Variants in SERPINA6 observed in about 807,000 individuals in gnomAD.
SERPINA6 encodes the protein serpin family A member 6.
A neutral mutation model predicts 26.4 loss-of-function variants in SERPINA6; 19 were observed. The observed-to-expected ratio is 0.72, with a 90% confidence interval of 0.50 to 1.06. The LOEUF (loss-of-function observed/expected upper bound fraction) is 1.06, where lower values mean the gene tolerates loss of function less well. Ranked by LOEUF, SERPINA6 falls within the 50% of genes least tolerant of loss-of-function variation. The pLI is 0.00. For missense variants in SERPINA6, 473 were observed against 504.0 expected (o/e 0.94, Z 0.59); for synonymous variants, 196 against 199.4 (o/e 0.98, Z 0.14).
At chr14:94,311,178 C>A (rs1357200551) in intron 2 of SERPINA6, among the ~76,000 whole-genome samples, 5 of 152,170 alleles carry the variant, frequency 3.3e-5, no homozygotes, top group East Asian at 1.9e-4. Context: ...ACCTCACTAA[C>A]CTTGATGTCT....
At chr14:94,322,098 A>G (rs1460114445) in intron 1 of SERPINA6, among the ~76,000 whole-genome samples, 1 of 152,248 alleles carries the variant, frequency 6.6e-6, no homozygotes, top group Non-Finnish European at 1.5e-5. Context: ...CCAGGGAGAC[A>G]GAGTAACTCC....
chr14:94,315,381 C>T (rs920353590), intron 1 of SERPINA6, among the ~76,000 whole-genome samples: 7 of 152,164 alleles, frequency 4.6e-5, no homozygotes, highest in Non-Finnish European at 1.0e-4. Flanking sequence ...GTATTATGAG[C>T]ATACATATTA....
chr14:94,317,369 GT>G (rs1895626664), intron 1 of SERPINA6, among the ~76,000 whole-genome samples: 1 of 152,210 alleles, frequency 6.6e-6, no homozygotes. Context: ...AGACAGTCAA[GT>G]GTAAAGAGGT....
intron 2 of SERPINA6, among the ~76,000 whole-genome samples, chr14:94,310,402 G>A (rs1332047699): frequency 2.0e-5 from 3 of 146,598 alleles, no homozygotes; most frequent in Non-Finnish European, 4.6e-5. Flanking sequence ...GGTGGGAAGC[G>A]AGGGGGCCAT....
chr14:94,305,978 C>A, intron 4 of SERPINA6, 93 bp downstream of exon 4: 3 of 1,450,620 alleles, frequency 2.1e-6, no homozygotes, highest in Non-Finnish European at 2.9e-6. Flanking sequence ...CCTAGAGGCT[C>A]ATTCATGAAC....
At chr14:94,311,453 A>G (rs952978130) in intron 2 of SERPINA6, among the ~76,000 whole-genome samples, 17 of 152,132 alleles carry the variant, frequency 1.1e-4, no homozygotes, top group Non-Finnish European at 2.4e-4. Context: ...ATATAGTTTG[A>G]CACAAAACAA....
intron 4 of SERPINA6, 31 bp downstream of exon 4, chr14:94,306,040 G>A: frequency 6.2e-7 from 1 of 1,613,256 alleles, no homozygotes; most frequent in Non-Finnish European, 8.5e-7. Context: ...TTTTGGAGGG[G>A]GAAGAAAAGG....
chr14:94,317,678 A>G (rs1035090634), intron 1 of SERPINA6, among the ~76,000 whole-genome samples: 1 of 152,246 alleles, frequency 6.6e-6, no homozygotes, highest in African/African-American at 2.4e-5. Flanking sequence ...AGAAAGTCCT[A>G]CAACAAAATT....
rs1895401586 is a variant in SERPINA6 at position 94,304,295 on chromosome 14, A to G, written c.*123T>C. The G allele has an allele frequency of 1.0e-6, 1 of 962,978 alleles. No individual in the cohort carries two copies. Among genetic ancestry groups the G allele is most frequent in the African/African-American group, 1.6e-5 (1 of 62,310 alleles). 59.7% of individuals were successfully genotyped at this position (962,978 alleles called of 1,614,324 possible). A position where few individuals can be genotyped will look rare whatever the true frequency, so the allele number is the denominator to read the frequency against. ...TAAAAGATGCCTAAAGTTAGACACAACTCTGGTTGGAGGGAGAAGAACTTG... is the reference window on the plus strand; with the variant it reads ...TAAAAGATGCCTAAAGTTAGACACAGCTCTGGTTGGAGGGAGAAGAACTTG... On this transcript the variant is annotated 3_prime_UTR_variant, in exon 5 of 5. Transcript: ENST00000341584.
At position 94,309,604 on chromosome 14, in the gene SERPINA6, C is replaced by T. The variant is rs201816210; in HGVS notation, c.884+132G>A. The T allele has an allele frequency of 8.4e-5, 84 of 999,506 alleles. No individual in the cohort carries two copies. The East Asian group carries it at 2.0e-3, about 24-fold the overall frequency. The allele number at this position is 999,506 out of a possible 1,614,324, so 61.9% of individuals were successfully genotyped here. A position where few individuals can be genotyped will look rare whatever the true frequency, so the allele number is the denominator to read the frequency against. On this transcript the variant is annotated intron_variant, in intron 3 of 4. Transcript: ENST00000341584. The stretch of plus-strand genomic sequence containing the variant: ...AAACTTACAGCCTTTGGGGGCCCAG[C>T]AGACAGGAAAACTGAGCCCTGGAGG...
chr14:94,316,883 C>G (rs1283397736), intron 1 of SERPINA6, among the ~76,000 whole-genome samples: 1 of 152,184 alleles, frequency 6.6e-6, no homozygotes, highest in African/African-American at 2.4e-5. Flanking sequence ...AACTCTGGGA[C>G]TTAAACCAGC....
Position 94,314,026 on chromosome 14 carries a change from G to T in SERPINA6, c.613+10C>A. ...TGGATGGGCCTTCAGATGGGGATGG[G>T]TGGGAATACCTTTGAAGAAGATATA... On this transcript the variant is annotated intron_variant, in intron 2 of 4. Transcript: ENST00000341584. 1 of 1,614,108 alleles carries T rather than the reference G, an allele frequency of 6.2e-7. No homozygotes were observed. Among genetic ancestry groups the T allele is most frequent in the Admixed American group, 1.7e-5 (1 of 60,022 alleles).
At chr14:94,304,625 T>G (rs1187769907) in intron 4 of SERPINA6, 22 bp from the exon 5 acceptor site, 1 of 1,606,602 alleles carries the variant, frequency 6.2e-7, no homozygotes, top group Non-Finnish European at 8.5e-7. Context: ...AGAATGAAGA[T>G]GGGTAGTGAG....
At chr14:94,318,411 T>G (rs1895640782) in intron 1 of SERPINA6, among the ~76,000 whole-genome samples, 1 of 152,232 alleles carries the variant, frequency 6.6e-6, no homozygotes, top group South Asian at 2.1e-4. Context: ...ACTTTCTGAT[T>G]TCAAAATTTA....
intron 1 of SERPINA6, among the ~76,000 whole-genome samples, chr14:94,317,710 C>T (rs1196669244): frequency 6.6e-6 from 1 of 152,164 alleles, no homozygotes; most frequent in African/African-American, 2.4e-5. Context: ...AAAACTACCT[C>T]AACATAATCA....
At chr14:94,309,655 C>T in intron 3 of SERPINA6, 81 bp downstream of exon 3, 16 of 1,508,924 alleles carry the variant, frequency 1.1e-5, no homozygotes, top group Non-Finnish European at 1.4e-5. Flanking sequence ...GAAGGATGCC[C>T]CAGCATACTC....
At chr14:94,310,212 A>C (rs777802189) in intron 2 of SERPINA6, among the ~76,000 whole-genome samples, 1 of 152,194 alleles carries the variant, frequency 6.6e-6, no homozygotes, top group Non-Finnish European at 1.5e-5. Context: ...TGGGTTGAGG[A>C]TGAGCTCTGT....
chr14:94,317,205 T>G (rs1163248582), intron 1 of SERPINA6, among the ~76,000 whole-genome samples: 2 of 152,230 alleles, frequency 1.3e-5, no homozygotes, highest in Non-Finnish European at 2.9e-5. Context: ...ATTTCTGTAA[T>G]GCAAGGATGT....
intron 1 of SERPINA6, among the ~76,000 whole-genome samples, chr14:94,320,538 G>A (rs991343890): frequency 4.6e-5 from 7 of 152,120 alleles, no homozygotes; most frequent in African/African-American, 1.2e-4. Flanking sequence ...AACCTTTACT[G>A]GTTTAGGGTG....
Sources: allele counts gnomAD v4.1 joint callset (sites outside exome capture counted in the v4.1 genomes callset), GRCh38; gene constraint gnomAD v4.1.1; transcripts MANE v1.5; gene names NCBI Gene and HGNC (gene_info 2026-07-23, HGNC 2026-07-21).